Variants in MGAT4C observed in about 807,000 individuals in gnomAD.
MGAT4C encodes alpha-1,3-mannosyl-glycoprotein 4-beta-N-acetylglucosaminyltransferase C.
MGAT4C carries 19 observed loss-of-function variants against 40.1 expected under a neutral mutation model. That is an observed-to-expected ratio of 0.47 (90% CI 0.33 to 0.70). The LOEUF (loss-of-function observed/expected upper bound fraction) is 0.70. Among genes scored for constraint, MGAT4C ranks in the 30% least tolerant of loss-of-function variants. The pLI, the probability that MGAT4C is intolerant of heterozygous loss-of-function variation, is 0.02. For synonymous variants in MGAT4C, 181 were observed against 187.1 expected (o/e 0.97, Z 0.27); for missense variants, 491 against 563.2 (o/e 0.87, Z 1.30).
intron 1 of MGAT4C, among the ~76,000 whole-genome samples, chr12:86,171,138 G>A (rs1250202324): frequency 4.6e-5 from 4 of 87,478 alleles, no homozygotes; most frequent in African/African-American, 8.2e-5. Context: ...TTGGGAGGCC[G>A]AAGTGGGTGG....
At position 85,973,150 on chromosome 12, in the gene MGAT4C, C is replaced by A. The variant is rs1883711850; in HGVS notation, c.*6139G>T. ...ATATCTCTGTGCCATACTTTTGGTA[C>A]CTTCATAATAAACGGTAAAGTGAGG... On this transcript the variant is annotated 3_prime_UTR_variant, in exon 5 of 5. Transcript: ENST00000611864. 1 of 150,626 alleles carries A rather than the reference C, an allele frequency of 6.6e-6. No homozygotes were observed. Among genetic ancestry groups the A allele is most frequent in the African/African-American group, 2.4e-5 (1 of 41,262 alleles). 9.3% of individuals were successfully genotyped at this position (150,626 alleles called of 1,614,324 possible).
chr12:86,265,999 A>G (rs926923394), intron 4 of MGAT4C, among the ~76,000 whole-genome samples: 1 of 152,170 alleles, frequency 6.6e-6, no homozygotes, highest in African/African-American at 2.4e-5. Context: ...GTATCCTTCA[A>G]GTTTACTGAA....
intron 2 of MGAT4C, among the ~76,000 whole-genome samples, chr12:86,595,271 C>G (rs1338321901): frequency 6.6e-6 from 1 of 152,108 alleles, no homozygotes; most frequent in Non-Finnish European, 1.5e-5. Flanking sequence ...TGGCCAGGTT[C>G]GGTGGCTCAT....
At chr12:86,482,067 TAC>T (rs10526768) in intron 2 of MGAT4C, among the ~76,000 whole-genome samples, 12,383 of 143,036 alleles carry the variant, frequency 0.087, 989 homozygotes, top group East Asian at 0.28. Flanking sequence ...AACATGTCAC[TAC>T]ACACACACAC....
At chr12:86,311,477 C>A (rs990932079) in intron 4 of MGAT4C, among the ~76,000 whole-genome samples, 1 of 59,770 alleles carries the variant, frequency 1.7e-5, no homozygotes, top group Non-Finnish European at 3.0e-5. Flanking sequence ...TTGGTCTAAA[C>A]TAATTTTTTT....
intron 1 of MGAT4C, among the ~76,000 whole-genome samples, chr12:86,188,373 C>A (rs1566113088): frequency 2.0e-5 from 3 of 151,748 alleles, no homozygotes; most frequent in South Asian, 2.1e-4. Context: ...TTCTTCCTTG[C>A]CTGTGGGCAG....
At chr12:86,699,906 G>C (rs778299570) in intron 2 of MGAT4C, among the ~76,000 whole-genome samples, 3 of 151,990 alleles carry the variant, frequency 2.0e-5, no homozygotes, top group Non-Finnish European at 4.4e-5. Flanking sequence ...AGAGGCAAAA[G>C]AGGTGGAGGA....
intron 2 of MGAT4C, among the ~76,000 whole-genome samples, chr12:86,512,830 A>G (rs1269413355): frequency 6.6e-6 from 1 of 152,126 alleles, no homozygotes; most frequent in Non-Finnish European, 1.5e-5. Context: ...CAGTTATACA[A>G]GATAATAAGT....
intron 1 of MGAT4C, among the ~76,000 whole-genome samples, chr12:86,828,898 T>C (rs148897424): frequency 2.1e-3 from 313 of 151,660 alleles, no homozygotes; most frequent in African/African-American, 7.3e-3. Flanking sequence ...TCTGGGATGA[T>C]GAAAATATTC....
At chr12:86,658,766 G>A (rs772182638) in intron 2 of MGAT4C, among the ~76,000 whole-genome samples, 6 of 151,856 alleles carry the variant, frequency 4.0e-5, no homozygotes, top group South Asian at 2.1e-4. Context: ...TCACTCCTCC[G>A]GGAAAATTAT....
intron 2 of MGAT4C, among the ~76,000 whole-genome samples, chr12:86,446,316 C>A (rs1957333669): frequency 6.6e-6 from 1 of 151,678 alleles, no homozygotes; most frequent in Non-Finnish European, 1.5e-5. Context: ...ATTACTCATC[C>A]CAGGAAAGCT....
At chr12:86,478,064 G>A (rs1001341662) in intron 2 of MGAT4C, among the ~76,000 whole-genome samples, 1 of 152,090 alleles carries the variant, frequency 6.6e-6, no homozygotes, top group Non-Finnish European at 1.5e-5. Flanking sequence ...GATTTTATAA[G>A]GCACTACAAG....
At chr12:86,194,143 T>TG (rs1889836524) in intron 1 of MGAT4C, among the ~76,000 whole-genome samples, 2 of 152,342 alleles carry the variant, frequency 1.3e-5, no homozygotes. Context: ...ATGTTCTTAA[T>TG]GTTATTTCTA....
In MGAT4C at chr12:86,519,724, A is replaced by T. The variant is rs113949111; in HGVS notation, c.-228-84459T>A. Among the ~76,000 whole-genome samples the T allele has an allele frequency of 3.3e-3, 499 of 152,170 alleles. 1 individual carries two copies. Among genetic ancestry groups the T allele is most frequent in the African/African-American group, 0.012 (482 of 41,542 alleles). On this transcript the variant is annotated intron_variant, in intron 2 of 7. Coordinates refer to the MGAT4C transcript ENST00000548651. ...TCTTCTTTTGAGAAATGTATGTTCA[A>T]ATATTTTACCTATTTTTAAATCAGA...
intron 2 of MGAT4C, among the ~76,000 whole-genome samples, chr12:86,667,388 T>C (rs1458407925): frequency 6.6e-6 from 1 of 152,088 alleles, no homozygotes; most frequent in African/African-American, 2.4e-5. Flanking sequence ...TTCGAGACAG[T>C]AGGACAAATG....
chr12:86,143,011 G>T (rs574459121), intron 1 of MGAT4C, among the ~76,000 whole-genome samples: 2 of 152,244 alleles, frequency 1.3e-5, no homozygotes, highest in South Asian at 4.1e-4. Flanking sequence ...AGCTGTGTAA[G>T]AACACTGCCA....
chr12:86,463,289 G>T (rs889478576), intron 2 of MGAT4C, among the ~76,000 whole-genome samples: 3 of 152,044 alleles, frequency 2.0e-5, no homozygotes, highest in African/African-American at 7.2e-5. Context: ...TTCACATAAT[G>T]AACTACTCTA....
intron 2 of MGAT4C, among the ~76,000 whole-genome samples, chr12:86,639,938 A>G (rs1387407292): frequency 1.3e-5 from 2 of 151,678 alleles, no homozygotes; most frequent in African/African-American, 2.4e-5. Flanking sequence ...AACAGGCCCA[A>G]TCAGATATAA....
At position 86,428,328 on chromosome 12, in the gene MGAT4C, A is replaced by T. The variant is rs112997173; in HGVS notation, c.-120+6829T>A. ...AACTAAGCCTCTCTGATCCTCGTGT[A>T]CTCATTCTTAACCATGTATCTACAG... On this transcript the variant is annotated intron_variant, in intron 3 of 7. Coordinates refer to the MGAT4C transcript ENST00000548651. Among the ~76,000 whole-genome samples the T allele has an allele frequency of 6.5e-3, 990 of 152,264 alleles. 11 individuals are homozygous for T. The highest frequency in any genetic ancestry group is 0.023 in the African/African-American group (948 of 41,538).
Sources: gnomAD v4.1 joint callset for allele counts (sites outside exome capture counted in the v4.1 genomes callset) on GRCh38, gnomAD v4.1.1 for gene constraint, MANE v1.5 for transcripts, NCBI Gene and HGNC (gene_info 2026-07-23, HGNC 2026-07-21) for gene names.